Variants in PRELID2 observed in about 807,000 individuals in gnomAD.
The protein encoded by PRELID2 is PRELI domain containing 2.
PRELID2 carries 25 observed loss-of-function variants against 28.4 expected under a neutral mutation model. That is an observed-to-expected ratio of 0.88 (90% CI 0.64 to 1.23). The LOEUF is 1.23. Among genes scored for constraint, PRELID2 ranks in the 50% most tolerant of loss-of-function variants. PRELID2 has a pLI of 0.00. For synonymous variants in PRELID2, 76 were observed against 71.6 expected (o/e 1.06, Z -0.31); for missense variants, 201 against 214.4 (o/e 0.94, Z 0.39).
the PRELID2 span, among the ~76,000 whole-genome samples, chr5:145,281,278 A>G: frequency 6.6e-6 from 1 of 152,188 alleles, no homozygotes; most frequent in Non-Finnish European, 1.5e-5. Flanking sequence ...TCAACTGTTT[A>G]TCTCTCAGAC....
intron 4 of PRELID2, among the ~76,000 whole-genome samples, chr5:145,803,162 G>A (rs994522238): frequency 2.6e-5 from 4 of 152,052 alleles, no homozygotes; most frequent in Non-Finnish European, 5.9e-5. Context: ...AAGGAAACAC[G>A]GGGTCTTCAA....
chr5:145,447,670 G>A, the PRELID2 span, among the ~76,000 whole-genome samples: 1 of 109,788 alleles, frequency 9.1e-6, no homozygotes, highest in Non-Finnish European at 1.8e-5. Context: ...CCCTTCCTGT[G>A]TCCATGTGAT....
the PRELID2 span, among the ~76,000 whole-genome samples, chr5:145,362,554 C>A: frequency 6.6e-6 from 1 of 152,018 alleles, no homozygotes; most frequent in Non-Finnish European, 1.5e-5. Flanking sequence ...ATATAATATG[C>A]ACTAAATAAA....
chr5:145,670,950 G>A (rs1754694541), intron 1 of PRELID2, among the ~76,000 whole-genome samples: 1 of 152,152 alleles, frequency 6.6e-6, no homozygotes, highest in African/African-American at 2.4e-5. Context: ...TATACTAAAT[G>A]TATACCCAGG....
intron 1 of PRELID2, among the ~76,000 whole-genome samples, chr5:145,720,676 G>A (rs959286154): frequency 4.6e-5 from 7 of 151,926 alleles, no homozygotes; most frequent in African/African-American, 1.7e-4. Flanking sequence ...AGGGTTAATA[G>A]TGAGGACTTA....
the PRELID2 span, among the ~76,000 whole-genome samples, chr5:145,404,613 T>C: frequency 2.0e-5 from 3 of 152,178 alleles, no homozygotes; most frequent in African/African-American, 7.2e-5. Flanking sequence ...GTCACTTGCA[T>C]ATCTTTCAGC....
intron 1 of PRELID2, among the ~76,000 whole-genome samples, chr5:145,748,800 G>A (rs1225140679): frequency 2.0e-5 from 3 of 152,096 alleles, no homozygotes; most frequent in Non-Finnish European, 4.4e-5. Flanking sequence ...GAACAAAACA[G>A]AGACCTCAGA....
At chr5:145,424,414 C>G in the PRELID2 span, among the ~76,000 whole-genome samples, 1 of 152,246 alleles carries the variant, frequency 6.6e-6, no homozygotes, top group African/African-American at 2.4e-5. Flanking sequence ...ACCCTCCCAG[C>G]CAGGTGCGGG....
the PRELID2 span, among the ~76,000 whole-genome samples, chr5:145,416,237 C>T: frequency 6.6e-6 from 1 of 151,848 alleles, no homozygotes; most frequent in African/African-American, 2.4e-5. Flanking sequence ...AAACTGGATC[C>T]CTTCCTTACA....
intron 1 of PRELID2, among the ~76,000 whole-genome samples, chr5:145,522,884 AAAG>A (rs1752575689): frequency 6.6e-6 from 1 of 152,006 alleles, no homozygotes; most frequent in South Asian, 2.1e-4. Context: ...AGAGGAGAGA[AAAG>A]AAAGAAGGAA....
At chr5:145,520,961 C>T (rs1752558558) in intron 1 of PRELID2, among the ~76,000 whole-genome samples, 1 of 151,972 alleles carries the variant, frequency 6.6e-6, no homozygotes, top group Admixed American at 6.6e-5. Context: ...TAACGTGTTC[C>T]CATTTGACAG....
Position 145,616,932 on chromosome 5 carries a change from C to CG in PRELID2, n.71-143618_71-143617insC, listed in dbSNP as rs201298047. On this transcript the variant is annotated intron_variant and non_coding_transcript_variant, in intron 1 of 2. Coordinates refer to the PRELID2 transcript ENST00000510259. ...CTTTGACCATAAAAGACGGCCACCC[C>CG]CCGAAGCGGCCATTTTAGAAGCCTA... Among the ~76,000 whole-genome samples the CG allele has an allele frequency of 6.7e-3, 1,021 of 152,178 alleles. 21 individuals are homozygous for CG. Among genetic ancestry groups the CG allele is most frequent in the African/African-American group, 0.023 (965 of 41,498 alleles).
At chr5:145,713,665 G>T (rs1755765627) in intron 1 of PRELID2, among the ~76,000 whole-genome samples, 1 of 91,706 alleles carries the variant, frequency 1.1e-5, no homozygotes. Context: ...AGTATATATA[G>T]TGTGTGTATA....
At chr5:145,311,501 C>G in the PRELID2 span, among the ~76,000 whole-genome samples, 28 of 152,168 alleles carry the variant, frequency 1.8e-4, no homozygotes, top group Admixed American at 4.6e-4. Flanking sequence ...ACTGTGAATT[C>G]TATCTGGACC....
the PRELID2 span, among the ~76,000 whole-genome samples, chr5:145,341,759 C>A: frequency 6.7e-6 from 1 of 149,174 alleles, no homozygotes; most frequent in African/African-American, 2.5e-5. Flanking sequence ...ACATTTGGGA[C>A]AACATAATGC....
At chr5:145,797,467 A>G (rs963481670) in intron 4 of PRELID2, among the ~76,000 whole-genome samples, 2 of 152,150 alleles carry the variant, frequency 1.3e-5, no homozygotes, top group Non-Finnish European at 2.9e-5. Flanking sequence ...CTGTGCATCC[A>G]ACATCCTGTC....
the PRELID2 span, among the ~76,000 whole-genome samples, chr5:145,320,062 C>A: frequency 2.6e-5 from 4 of 152,282 alleles, no homozygotes; most frequent in South Asian, 6.2e-4. Flanking sequence ...TTAGAAGATT[C>A]TTTTATGTGC....
the PRELID2 span, among the ~76,000 whole-genome samples, chr5:145,295,872 T>G: frequency 6.6e-6 from 1 of 152,060 alleles, no homozygotes; most frequent in Non-Finnish European, 1.5e-5. Context: ...AAAAAGAGAA[T>G]CAAAGGGATG....
intron 1 of PRELID2, among the ~76,000 whole-genome samples, chr5:145,547,825 T>A (rs1049245528): frequency 3.9e-4 from 60 of 152,354 alleles, no homozygotes; most frequent in African/African-American, 1.4e-3. Flanking sequence ...ACCAGCCAGC[T>A]TTTTCATCAG....
Sources: allele counts gnomAD v4.1 joint callset (sites outside exome capture counted in the v4.1 genomes callset), GRCh38; gene constraint gnomAD v4.1.1; transcripts MANE v1.5; gene names NCBI Gene and HGNC (gene_info 2026-07-23, HGNC 2026-07-21).